The following CHL1 variants were observed in gnomAD, a reference collection of about 807,000 sequenced individuals.
The protein encoded by CHL1 is neural cell adhesion molecule L1-like protein.
In CHL1, 96 loss-of-function variants were observed where a neutral mutation model predicts 141.9. That is an observed-to-expected ratio of 0.68 (90% CI 0.57 to 0.80). The LOEUF (loss-of-function observed/expected upper bound fraction) is 0.80, where lower values mean the gene tolerates loss of function less well. Ranked by LOEUF, CHL1 falls within the 30% of genes least tolerant of loss-of-function variation. The probability of loss-of-function intolerance (pLI) is 0.00; values close to 1 mark genes in which losing one functional copy is unlikely to be tolerated. For synonymous variants in CHL1, 613 were observed against 502.2 expected, an observed-to-expected ratio of 1.22 and a Z score of -2.95; for missense variants, 1,820 against 1,457.2, an observed-to-expected ratio of 1.25 and a Z score of -4.05.
At position 360,365 on chromosome 3, in the gene CHL1, A is replaced by G. The variant is rs1261158861; in HGVS notation, c.1247A>G (p.Gln416Arg). ...NLQPNHTAVY[Q>R]CEASNVHGTI... ...CAACCAAATCATACTGCTGTGTACCAGTGTGAAGCCTCAAATGTCCATGGA... is the reference window on the plus strand; with the variant it reads ...CAACCAAATCATACTGCTGTGTACCGGTGTGAAGCCTCAAATGTCCATGGA... Residue 416 changes from glutamine (Q) to arginine (R), a missense_variant, in exon 12 of 28, where the codon CAG becomes CGG. Coordinates refer to ENST00000256509, the MANE Select transcript of CHL1 (RefSeq NM_006614.4). The G allele has an allele frequency of 6.2e-7, 1 of 1,613,882 alleles. No homozygotes were observed.
chr3:318,869 G>A (rs1381516419), intron 2 of CHL1, among the ~76,000 whole-genome samples: 1 of 151,372 alleles, frequency 6.6e-6, no homozygotes, highest in Non-Finnish European at 1.5e-5. Context: ...TATCTAATAT[G>A]AGGAACTGAG....
intron 2 of CHL1, among the ~76,000 whole-genome samples, chr3:288,519 C>T (rs975841764): frequency 1.3e-5 from 2 of 152,086 alleles, no homozygotes; most frequent in African/African-American, 4.8e-5. Context: ...TCCTCTGAGT[C>T]TGTCTTTTGG....
At chr3:354,507 A>G (rs1310784575) in intron 10 of CHL1, 133 bp from the exon 11 acceptor site, 9 of 976,630 alleles carry the variant, frequency 9.2e-6, no homozygotes, top group Non-Finnish European at 1.3e-5. Flanking sequence ...GAGCAAGTTT[A>G]CCAAAAAGAG....
At chr3:297,850 G>T (rs1034345918) in intron 2 of CHL1, among the ~76,000 whole-genome samples, 1 of 152,142 alleles carries the variant, frequency 6.6e-6, no homozygotes, top group Non-Finnish European at 1.5e-5. Flanking sequence ...TTTTAATATT[G>T]TGAACTCTTT....
intron 1 of CHL1, among the ~76,000 whole-genome samples, chr3:223,034 A>G (rs1700996361): frequency 6.6e-6 from 1 of 152,160 alleles, no homozygotes. Flanking sequence ...CCACCCACAT[A>G]ATCCAGGACA....
At position 362,111 on chromosome 3, in the gene CHL1, G is replaced by C. The variant is rs116152343; in HGVS notation, c.1418+301G>C. Reference sequence around the variant, plus strand: ...AGGTAGTTTTGGTTTTTCATTATGAGGTACCACAAGGTCATGTTTTACTCT... The same window carrying C: ...AGGTAGTTTTGGTTTTTCATTATGACGTACCACAAGGTCATGTTTTACTCT... On this transcript the variant is annotated intron_variant, in intron 13 of 27. Transcript: ENST00000256509. Among the ~76,000 whole-genome samples the C allele has an allele frequency of 2.4e-3, 362 of 152,268 alleles. 1 individual carries two copies. The highest frequency in any genetic ancestry group is 8.0e-3 in the African/African-American group (334 of 41,554).
intron 26 of CHL1, among the ~76,000 whole-genome samples, chr3:400,741 G>A (rs866251514): frequency 6.6e-6 from 1 of 151,928 alleles, no homozygotes; most frequent in Admixed American, 6.6e-5. Context: ...GGCAGAGGTT[G>A]CAGTGAGCCG....
intron 5 of CHL1, among the ~76,000 whole-genome samples, chr3:336,721 G>A (rs542351256): frequency 2.0e-5 from 3 of 152,182 alleles, no homozygotes; most frequent in African/African-American, 7.2e-5. Context: ...GTTTTCAGAA[G>A]TCTTCTTTAT....
In CHL1 at chr3:214,954, G is replaced by A. The variant is rs113692906; in HGVS notation, c.-175+17891G>A. Among the ~76,000 whole-genome samples, 405 of 56,510 alleles carry A rather than the reference G, an allele frequency of 7.2e-3. 2 individuals carry two copies. Among genetic ancestry groups the A allele is most frequent in the African/African-American group, 0.022 (374 of 17,092 alleles). The allele number at this position is 56,510 out of a possible 152,430, so 37.1% of individuals were successfully genotyped here. On this transcript the variant is annotated intron_variant, in intron 1 of 27. Coordinates refer to ENST00000256509, the MANE Select transcript of CHL1 (RefSeq NM_006614.4). ...GAATTGAAATGCCTAGCATGTGCAC[G>A]TGCACACACACACACACACACACAC...
intron 1 of CHL1, among the ~76,000 whole-genome samples, chr3:219,784 T>C (rs113377295): frequency 0.062 from 9,441 of 152,294 alleles, 310 homozygotes; most frequent in Middle Eastern, 0.092. Flanking sequence ...CAAACCCACA[T>C]GACACAGGTT....
chr3:272,628 C>T (rs551030991), intron 2 of CHL1, among the ~76,000 whole-genome samples: 10 of 152,166 alleles, frequency 6.6e-5, no homozygotes, highest in South Asian at 2.1e-4. Context: ...TTAGAAATAC[C>T]GTAGAGTTGT....
intron 15 of CHL1, chr3:374,084 C>G (rs1163668858): frequency 6.6e-6 from 1 of 152,366 alleles, no homozygotes; most frequent in Non-Finnish European, 1.5e-5. Context: ...CCCACCGCCC[C>G]ACTGCCTTCA....
At chr3:235,068 T>C (rs1351777922) in intron 1 of CHL1, among the ~76,000 whole-genome samples, 1 of 151,950 alleles carries the variant, frequency 6.6e-6, no homozygotes, top group Non-Finnish European at 1.5e-5. Context: ...GTTAGTTACA[T>C]ATGTATACAT....
chr3:323,417 C>T (rs4685588), intron 3 of CHL1, among the ~76,000 whole-genome samples: 20,788 of 151,784 alleles, frequency 0.14, 1,689 homozygotes, highest in African/African-American at 0.21. Context: ...ATTCAGTGAG[C>T]GGGTATTTTT....
At chr3:213,561 C>G (rs1028666995) in intron 1 of CHL1, 1 of 152,132 alleles carries the variant, frequency 6.6e-6, no homozygotes, top group Non-Finnish European at 1.5e-5. Context: ...CTGGAACTCT[C>G]AAAGTGTTGT....
intron 1 of CHL1, chr3:197,680 C>G (rs1359449388): frequency 2.5e-6 from 1 of 404,102 alleles, no homozygotes; most frequent in East Asian, 7.2e-5. Flanking sequence ...ATCCATGGAC[C>G]GTGGGGTTGT....
chr3:362,736 T>G (rs954559501), intron 13 of CHL1, among the ~76,000 whole-genome samples: 7 of 151,876 alleles, frequency 4.6e-5, no homozygotes, highest in African/African-American at 1.7e-4. Context: ...GGCTCTGGGG[T>G]TGATAGGGTA....
rs1313685979 is a variant in CHL1 at position 398,403 on chromosome 3, A to G, written c.3253+18A>G. 3 of 1,558,690 alleles carry G rather than the reference A, an allele frequency of 1.9e-6. 1 individual carries two copies. The highest frequency in any genetic ancestry group is 2.2e-5 in the South Asian group (2 of 89,212). On this transcript the variant is annotated intron_variant, in intron 25 of 27. Coordinates refer to ENST00000256509, the MANE Select transcript of CHL1 (RefSeq NM_006614.4). Reference sequence around the variant, plus strand: ...AGGGAGAGGTGAGAAATGAGATTATATTTGGGGAAGTCTTAGTCAATCTAT... The same window carrying G: ...AGGGAGAGGTGAGAAATGAGATTATGTTTGGGGAAGTCTTAGTCAATCTAT...
At chr3:328,922 G>T (rs1444324754) in intron 5 of CHL1, among the ~76,000 whole-genome samples, 1 of 152,068 alleles carries the variant, frequency 6.6e-6, no homozygotes, top group African/African-American at 2.4e-5. Flanking sequence ...TGTTAGGTGG[G>T]GCAAAGCAAG....
Sources: allele counts gnomAD v4.1 joint callset (sites outside exome capture counted in the v4.1 genomes callset), GRCh38; gene constraint gnomAD v4.1.1; transcripts MANE v1.5; gene names NCBI Gene and HGNC (gene_info 2026-07-23, HGNC 2026-07-21).